The following MYO7B variants were observed in gnomAD, a reference collection of about 807,000 sequenced individuals.
The protein encoded by MYO7B is unconventional myosin-VIIb.
In MYO7B, 212 loss-of-function variants were observed where a neutral mutation model predicts 259.7. That is an observed-to-expected ratio of 0.82 (90% CI 0.73 to 0.91). The LOEUF (loss-of-function observed/expected upper bound fraction) is 0.91. Ranked by LOEUF, MYO7B falls within the 40% of genes least tolerant of loss-of-function variation. The pLI is 0.00. For missense variants in MYO7B, 2,732 were observed against 2,813.5 expected (o/e 0.97, Z 0.66); for synonymous variants, 1,197 against 1,166.4 (o/e 1.03, Z -0.54).
chr2:127,590,055 C>T lies in MYO7B; in HGVS notation c.1855-37C>T. 6.4e-7 allele frequency: 1 copy of T among 1,553,380 alleles called. No individual in the cohort carries two copies. Among genetic ancestry groups the T allele is most frequent in the Non-Finnish European group, 8.7e-7 (1 of 1,148,240 alleles). ...GGGTCAGCTGTCCCAGGACATGGCTCCTGAGACCCACTTGTGCTCTGTGCT... is the reference window on the plus strand; with the variant it reads ...GGGTCAGCTGTCCCAGGACATGGCTTCTGAGACCCACTTGTGCTCTGTGCT... On this transcript the variant is annotated intron_variant, in intron 15 of 47. Coordinates refer to ENST00000409816, the MANE Select transcript of MYO7B (RefSeq NM_001393586.1). This position sits in a 1 kb window ranked among gnomAD's most constrained non-coding sequence, Gnocchi z 4.6.
intron 1 of MYO7B, among the ~76,000 whole-genome samples, chr2:127,551,246 C>A (rs930168027): frequency 6.6e-6 from 1 of 152,216 alleles, no homozygotes. Context: ...ACACAGTCTT[C>A]CCTCTGCATG....
In MYO7B at chr2:127,614,533, C is replaced by T. The variant is rs61485376; in HGVS notation, c.3398+1930C>T. Among the ~76,000 whole-genome samples the T allele has an allele frequency of 0.013, 2,023 of 152,292 alleles. 42 individuals carry two copies. The highest frequency in any genetic ancestry group is 0.045 in the African/African-American group (1,871 of 41,550). On this transcript the variant is annotated intron_variant, in intron 26 of 47. Transcript: ENST00000409816. The surrounding 1 kb of genome is among the most constrained non-coding windows in gnomAD (Gnocchi z 4.6). ...TGTCTTTGTTCATGGAGGTCCCTAACTCCAGAGTACAAAAGTCAAGCACTA... is the reference window on the plus strand; with the variant it reads ...TGTCTTTGTTCATGGAGGTCCCTAATTCCAGAGTACAAAAGTCAAGCACTA...
In MYO7B at chr2:127,627,202, C is replaced by A; in HGVS notation, c.4352C>A (p.Thr1451Lys). 1 of 1,609,812 alleles carries A rather than the reference C, an allele frequency of 6.2e-7. No individual in the cohort carries two copies. Among genetic ancestry groups the A allele is most frequent in the Non-Finnish European group, 8.5e-7 (1 of 1,178,270 alleles). Residue 1451 changes from threonine to lysine, a missense_variant, in exon 33 of 48, where the codon ACG becomes AAG. This residue lies in a region of MYO7B where 1,906 missense variants were observed against 2,026.4 expected (regional missense o/e 0.94). Transcript: ENST00000409816. The surrounding 1 kb of genome is among the most constrained non-coding windows in gnomAD (Gnocchi z 5.6). ...ITLSGPRLPKTQLILAVNWKG... is the reference protein window; with the variant it reads ...ITLSGPRLPKKQLILAVNWKG... ...TGGCCAGGCCCCCGCCTGCCCAAGA[C>A]GCAGCTGATCTTGGCTGTTAACTGG...
At chr2:127,544,471 C>A (rs906609428) in intron 1 of MYO7B, among the ~76,000 whole-genome samples, 3 of 152,070 alleles carry the variant, frequency 2.0e-5, no homozygotes, top group African/African-American at 7.2e-5. Context: ...TGCAATGGCA[C>A]GATCTTGGCT....
chr2:127,593,953 C>T (rs777475620), intron 18 of MYO7B, among the ~76,000 whole-genome samples: 3 of 152,238 alleles, frequency 2.0e-5, no homozygotes, highest in African/African-American at 7.2e-5. Flanking sequence ...AGGGCAGCAC[C>T]CAGGAGCTCA....
chr2:127,536,501 G>A (rs1189493274), intron 1 of MYO7B, among the ~76,000 whole-genome samples: 2 of 151,866 alleles, frequency 1.3e-5, no homozygotes, highest in Non-Finnish European at 2.9e-5. Flanking sequence ...TGGCTGAGGA[G>A]AGGGACCGCA....
chr2:127,609,752 G>A lies in MYO7B; in HGVS notation c.3024+37G>A. Reference sequence around the variant, plus strand: ...CACTGGCTTCTAGTGGATCAGGCCAGCCCCGAGCCTGGGGTGTGAGCTATG... The same window carrying A: ...CACTGGCTTCTAGTGGATCAGGCCAACCCCGAGCCTGGGGTGTGAGCTATG... On this transcript the variant is annotated intron_variant, in intron 23 of 47. Transcript: ENST00000409816. This position sits in a 1 kb window ranked among gnomAD's most constrained non-coding sequence, Gnocchi z 6.9. 6.2e-7 allele frequency: 1 copy of A among 1,613,152 alleles called. No individual in the cohort carries two copies. Among genetic ancestry groups the A allele is most frequent in the Non-Finnish European group, 8.5e-7 (1 of 1,179,194 alleles).
intron 2 of MYO7B, among the ~76,000 whole-genome samples, chr2:127,560,348 C>T (rs534889424): frequency 1.2e-4 from 19 of 152,096 alleles, no homozygotes; most frequent in Non-Finnish European, 2.5e-4. Context: ...TGCCTCATTG[C>T]GGCAGTTGCC....
At chr2:127,581,020 C>A (rs1040470428) in intron 10 of MYO7B, among the ~76,000 whole-genome samples, 198 bp downstream of exon 10, 1 of 152,208 alleles carries the variant, frequency 6.6e-6, no homozygotes. Context: ...AACAGAGCGG[C>A]GGAATGGCCA....
chr2:127,581,745 C>G, intron 10 of MYO7B, 146 bp from the exon 11 acceptor site: 3 of 1,079,194 alleles, frequency 2.8e-6, no homozygotes, highest in Non-Finnish European at 3.9e-6. Flanking sequence ...CTCCCAGGGC[C>G]CTGGCCCTGG....
At chr2:127,633,495 C>A in intron 40 of MYO7B, 132 bp downstream of exon 40, 2 of 823,532 alleles carry the variant, frequency 2.4e-6, no homozygotes, top group Admixed American at 2.6e-5. Context: ...CCTAACCAGT[C>A]TCCCGCCCTC....
chr2:127,632,798 C>T (rs1480674762), intron 39 of MYO7B, among the ~76,000 whole-genome samples: 1 of 152,134 alleles, frequency 6.6e-6, no homozygotes, highest in African/African-American at 2.4e-5. Context: ...CTTTGCTCTC[C>T]CCCACCCCTC....
chr2:127,592,644 C>T, intron 16 of MYO7B, 150 bp from the exon 17 acceptor site: 3 of 954,216 alleles, frequency 3.1e-6, no homozygotes, highest in African/African-American at 1.8e-5. Context: ...TTAGTTCTTC[C>T]ATCTCTGGAG....
intron 1 of MYO7B, among the ~76,000 whole-genome samples, chr2:127,544,392 A>T (rs1203230341): frequency 2.0e-5 from 3 of 151,968 alleles, no homozygotes; most frequent in African/African-American, 7.2e-5. Context: ...GGACACTTTC[A>T]TATAGTTCAA....
chr2:127,609,488 C>T lies in MYO7B; in HGVS notation c.2815-18C>T, dbSNP rs1347908285. 3 of 1,601,514 alleles carry T rather than the reference C, an allele frequency of 1.9e-6. No homozygotes were observed. Among genetic ancestry groups the T allele is most frequent in the Non-Finnish European group, 2.6e-6 (3 of 1,173,792 alleles). On this transcript the variant is annotated intron_variant, in intron 22 of 47. Transcript: ENST00000409816. This position sits in a 1 kb window ranked among gnomAD's most constrained non-coding sequence, Gnocchi z 6.9. The stretch of plus-strand genomic sequence containing the variant: ...CCTGAAAGCCCTGCTGACCCGTGTT[C>T]TCCCTCAATGGCCGTAGGATCTGGA...
At chr2:127,633,165 T>C (rs1681612223) in intron 39 of MYO7B, 93 bp from the exon 40 acceptor site, 1 of 984,634 alleles carries the variant, frequency 1.0e-6, no homozygotes, top group African/African-American at 1.6e-5. Context: ...TTTCTTTTGT[T>C]TCTGGCACAT....
intron 1 of MYO7B, among the ~76,000 whole-genome samples, chr2:127,558,652 T>C (rs60529152): frequency 9.4e-4 from 143 of 152,296 alleles, no homozygotes; most frequent in African/African-American, 3.0e-3. Flanking sequence ...GTATCATATA[T>C]ATAGAGATAT....
At chr2:127,634,324 G>A in intron 41 of MYO7B, 35 bp downstream of exon 41, 1 of 1,470,800 alleles carries the variant, frequency 6.8e-7, no homozygotes, top group Non-Finnish European at 9.2e-7. Flanking sequence ...ACGGTGGGCG[G>A]ACGGGCAGTG....
chr2:127,569,949 C>A, intron 6 of MYO7B, 39 bp downstream of exon 6: 1 of 1,586,182 alleles, frequency 6.3e-7, no homozygotes, highest in East Asian at 2.3e-5. Context: ...TCCCCCAGCC[C>A]CCCTGGAGCC....
Sources: allele counts gnomAD v4.1 joint callset (sites outside exome capture counted in the v4.1 genomes callset), GRCh38; gene constraint gnomAD v4.1.1; regional missense constraint gnomAD v4.1.1; non-coding constraint Gnocchi (gnomAD v3.1); transcripts MANE v1.5; gene names NCBI Gene and HGNC (gene_info 2026-07-23, HGNC 2026-07-21).